VPS26A: variants seen among roughly 807,000 people sequenced by gnomAD.
VPS26A encodes the protein vacuolar protein sorting-associated protein 26A.
Under a neutral mutation model 42.4 loss-of-function variants are expected in VPS26A, and 22 were observed. That is an observed-to-expected ratio of 0.52 (90% confidence interval 0.37 to 0.74). VPS26A has a LOEUF of 0.74. VPS26A is among the 30% of genes least tolerant of loss of function. The probability of loss-of-function intolerance (pLI) is 0.00; values close to 1 mark genes in which losing one functional copy is unlikely to be tolerated. For missense variants in VPS26A, 276 were observed against 379.2 expected (o/e 0.73, Z 2.26); for synonymous variants, 110 against 123.5 (o/e 0.89, Z 0.73).
intron 6 of VPS26A, 111 bp downstream of exon 6, chr10:69,162,623 C>T (rs1050292255): frequency 8.3e-6 from 5 of 599,316 alleles, no homozygotes; most frequent in African/African-American, 7.9e-5. Flanking sequence ...ACTAATTTTG[C>T]TAGTTAATAT....
chr10:69,150,792 T>C (rs1466164878), intron 2 of VPS26A, among the ~76,000 whole-genome samples: 3 of 152,152 alleles, frequency 2.0e-5, no homozygotes, highest in Non-Finnish European at 4.4e-5. Context: ...AAAAAGTATA[T>C]ATATGCATGC....
chr10:69,131,047 G>A (rs1840766387), intron 1 of VPS26A, among the ~76,000 whole-genome samples: 1 of 152,120 alleles, frequency 6.6e-6, no homozygotes, highest in Non-Finnish European at 1.5e-5. Flanking sequence ...GCGCAGTGGT[G>A]CGATCTTGGC....
chr10:69,146,061 C>T (rs1419997051), intron 2 of VPS26A, among the ~76,000 whole-genome samples: 1 of 152,042 alleles, frequency 6.6e-6, no homozygotes, highest in East Asian at 1.9e-4. Context: ...TGTACCCATA[C>T]TTCATTCCTT....
chr10:69,169,014 A>G (rs1180610979), intron 8 of VPS26A, among the ~76,000 whole-genome samples: 2 of 151,604 alleles, frequency 1.3e-5, no homozygotes, highest in East Asian at 1.9e-4. Context: ...TGTTTACATC[A>G]TATTATGGAT....
chr10:69,155,543 C>T (rs1841414631), intron 2 of VPS26A, among the ~76,000 whole-genome samples: 1 of 152,112 alleles, frequency 6.6e-6, no homozygotes, highest in Non-Finnish European at 1.5e-5. Context: ...TTCTTTGAGT[C>T]TTTTTATAGT....
intron 2 of VPS26A, among the ~76,000 whole-genome samples, chr10:69,141,146 G>T (rs1472498173): frequency 6.6e-6 from 1 of 152,196 alleles, no homozygotes; most frequent in Non-Finnish European, 1.5e-5. Context: ...AAAAGGCCAT[G>T]TGTAACCATT....
intron 5 of VPS26A, among the ~76,000 whole-genome samples, chr10:69,161,078 GAGAA>G (rs1170190409): frequency 6.6e-6 from 1 of 152,006 alleles, no homozygotes; most frequent in African/African-American, 2.4e-5. Context: ...TGTTTGTTTT[GAGAA>G]AGAGTCTGGC....
Position 69,173,897 on chromosome 10 carries a change from TGAGGCAGAATTGCTTGAACCCGGGAGGCA to T in VPS26A, c.*2633_*2661del, listed in dbSNP as rs1313595768. On this transcript the variant is annotated 3_prime_UTR_variant, in exon 9 of 9. Coordinates refer to ENST00000263559, the MANE Select transcript of VPS26A (RefSeq NM_004896.5). ...CTGTAATCCCAGCTACTAGGGAGGC[TGAGGCAGAATTGCTTGAACCCGGGAGGCA>T]GAGGTTGCAGTGAGCCGAGATCACA... 1.4e-5 allele frequency among the ~76,000 whole-genome samples: 2 copies of T among 142,600 alleles called. No homozygotes were observed. The highest frequency in any genetic ancestry group is 5.2e-5 in the African/African-American group (2 of 38,098). The allele number at this position is 142,600 out of a possible 152,430, so 93.6% of individuals were successfully genotyped here.
chr10:69,126,565 CAAAAAA>C lies in VPS26A; in HGVS notation c.3+2303_3+2308del, dbSNP rs60734904. Reference sequence around the variant, plus strand: ...CTGGCGACAGAGTGAGACTCCGTCTCAAAAAAAAAAAAAAAAAAAAAAATCTCAAAA... The same window carrying C: ...CTGGCGACAGAGTGAGACTCCGTCTCAAAAAAAAAAAAAAAAATCTCAAAA... On this transcript the variant is annotated intron_variant, in intron 1 of 8. Transcript: ENST00000263559. Among the ~76,000 whole-genome samples, 142 of 135,768 alleles carry C rather than the reference CAAAAAA, an allele frequency of 1.0e-3. 1 individual carries two copies. Among genetic ancestry groups the C allele is most frequent in the Admixed American group, 2.6e-3 (36 of 13,966 alleles). The allele number at this position is 135,768 out of a possible 152,430, so 89.1% of individuals were successfully genotyped here.
rs1435255364 is a variant in VPS26A at position 69,152,467 on chromosome 10, A to G, written c.154-3345A>G. 4.6e-5 allele frequency among the ~76,000 whole-genome samples: 7 copies of G among 152,262 alleles called. No individual in the cohort carries two copies. The South Asian group carries it at 1.0e-3, about 23-fold the overall frequency. On this transcript the variant is annotated intron_variant, in intron 2 of 8. Coordinates refer to ENST00000263559, the MANE Select transcript of VPS26A (RefSeq NM_004896.5). ...ATATTCCATCATATGGTGTATCACA[A>G]TTTACTTTTTTCTGAGTTATTTTGA...
intron 6 of VPS26A, among the ~76,000 whole-genome samples, chr10:69,165,077 G>T (rs1200908492): frequency 1.3e-5 from 2 of 151,734 alleles, no homozygotes; most frequent in Non-Finnish European, 2.9e-5. Flanking sequence ...ATAGGCACAC[G>T]CCAACATGCC....
intron 2 of VPS26A, among the ~76,000 whole-genome samples, chr10:69,134,740 C>T (rs377207524): frequency 9.9e-5 from 15 of 151,056 alleles, no homozygotes; most frequent in African/African-American, 2.7e-4. Flanking sequence ...GTGTTGAATC[C>T]GAAGTGAATT....
intron 2 of VPS26A, among the ~76,000 whole-genome samples, chr10:69,150,835 G>T (rs534799728): frequency 6.6e-6 from 1 of 152,334 alleles, no homozygotes; most frequent in Non-Finnish European, 1.5e-5. Context: ...TGATAAAGCA[G>T]ATGGGGCAGA....
intron 2 of VPS26A, among the ~76,000 whole-genome samples, chr10:69,138,177 T>G (rs1485254191): frequency 6.6e-6 from 1 of 152,210 alleles, no homozygotes; most frequent in African/African-American, 2.4e-5. Context: ...TTCATCAATA[T>G]TGTAGCATTT....
intron 1 of VPS26A, among the ~76,000 whole-genome samples, chr10:69,127,550 C>T (rs111584134): frequency 6.8e-6 from 1 of 146,688 alleles, no homozygotes; most frequent in Non-Finnish European, 1.5e-5. Flanking sequence ...GAGACTCCAT[C>T]TCAAAAAAAA....
At chr10:69,169,420 T>C (rs1227800465) in intron 8 of VPS26A, among the ~76,000 whole-genome samples, 1 of 152,128 alleles carries the variant, frequency 6.6e-6, no homozygotes, top group Non-Finnish European at 1.5e-5. Context: ...TGAATTCTAA[T>C]AATTTTTTTA....
chr10:69,145,619 G>T (rs917064928), intron 2 of VPS26A, among the ~76,000 whole-genome samples: 1 of 152,058 alleles, frequency 6.6e-6, no homozygotes, highest in African/African-American at 2.4e-5. Context: ...CCTTTCTCCT[G>T]CTGCACTGTA....
intron 4 of VPS26A, 36 bp from the exon 5 acceptor site, chr10:69,158,011 G>A: frequency 6.6e-7 from 1 of 1,522,940 alleles, no homozygotes; most frequent in Non-Finnish European, 8.8e-7. Context: ...TTTATCACAG[G>A]TGATTTAACT....
chr10:69,132,778 C>T, intron 1 of VPS26A, 120 bp from the exon 2 acceptor site: 1 of 1,032,912 alleles, frequency 9.7e-7, no homozygotes, highest in Non-Finnish European at 1.4e-6. Flanking sequence ...TTTATCATTT[C>T]CTTATGAACT....
Sources: gnomAD v4.1 joint callset for allele counts (sites outside exome capture counted in the v4.1 genomes callset) on GRCh38, gnomAD v4.1.1 for gene constraint, MANE v1.5 for transcripts, NCBI Gene and HGNC (gene_info 2026-07-23, HGNC 2026-07-21) for gene names.